The following SLIT3 variants were observed in gnomAD, a reference collection of about 807,000 sequenced individuals.
The protein encoded by SLIT3 is slit guidance ligand 3.
Under a neutral mutation model 184.0 loss-of-function variants are expected in SLIT3, and 68 were observed. That is an observed-to-expected ratio of 0.37 (90% CI 0.30 to 0.45). The LOEUF (loss-of-function observed/expected upper bound fraction) is 0.45. SLIT3 is among the 20% of genes least tolerant of loss of function. SLIT3 has a pLI of 1.00. For synonymous variants in SLIT3, 831 were observed against 828.6 expected, an observed-to-expected ratio of 1.00 and a Z score of -0.05; for missense variants, 1,707 against 2,026.0, an observed-to-expected ratio of 0.84 and a Z score of 3.02.
intron 4 of SLIT3, among the ~76,000 whole-genome samples, chr5:168,991,885 T>C (rs1755344195): frequency 6.7e-6 from 1 of 149,048 alleles, no homozygotes; most frequent in Admixed American, 6.6e-5. Flanking sequence ...CCCAGGAGCC[T>C]GGGGTGGGGA....
intron 4 of SLIT3, among the ~76,000 whole-genome samples, chr5:168,934,030 C>G (rs1394650260): frequency 6.6e-6 from 1 of 152,194 alleles, no homozygotes; most frequent in African/African-American, 2.4e-5. Context: ...TCTGCTCTAA[C>G]AGGCCGTGGT....
intron 32 of SLIT3, among the ~76,000 whole-genome samples, chr5:168,676,652 G>C (rs944760476): frequency 6.6e-6 from 1 of 152,176 alleles, no homozygotes. Flanking sequence ...AAAATATGCA[G>C]GTATATCCCA....
intron 3 of SLIT3, among the ~76,000 whole-genome samples, chr5:169,198,953 T>TACACACACACAC (rs58669966): frequency 9.2e-4 from 131 of 142,162 alleles, no homozygotes; most frequent in African/African-American, 1.5e-3. Context: ...AAACAAACTA[T>TACACACACACAC]ACACACACAC....
chr5:169,261,003 G>A (rs966765657), intron 1 of SLIT3, among the ~76,000 whole-genome samples: 1 of 152,242 alleles, frequency 6.6e-6, no homozygotes, highest in Non-Finnish European at 1.5e-5. Context: ...TGTAGTGTGA[G>A]AGTAGCCTTA....
At chr5:168,948,821 C>T (rs186008709) in intron 4 of SLIT3, among the ~76,000 whole-genome samples, 4 of 152,260 alleles carry the variant, frequency 2.6e-5, no homozygotes, top group South Asian at 2.1e-4. Flanking sequence ...CTGTGAGCAC[C>T]GCAGGGCTCT....
At chr5:169,294,902 A>G (rs1459468655) in intron 1 of SLIT3, among the ~76,000 whole-genome samples, 3 of 152,194 alleles carry the variant, frequency 2.0e-5, no homozygotes, top group African/African-American at 7.2e-5. Context: ...TTCTCAACAT[A>G]CCTATACATA....
intron 4 of SLIT3, among the ~76,000 whole-genome samples, chr5:169,077,495 C>T (rs1173253478): frequency 1.3e-5 from 2 of 152,110 alleles, no homozygotes; most frequent in Non-Finnish European, 2.9e-5. Context: ...GCCGAGATCA[C>T]ACCACTGCAC....
chr5:169,067,404 T>A (rs1042168640), intron 4 of SLIT3, among the ~76,000 whole-genome samples: 5 of 151,574 alleles, frequency 3.3e-5, no homozygotes, highest in Non-Finnish European at 7.4e-5. Flanking sequence ...AGACTCCACC[T>A]CAAAAAAAAA....
intron 12 of SLIT3, among the ~76,000 whole-genome samples, chr5:168,779,097 A>T (rs990782828): frequency 6.6e-6 from 1 of 152,270 alleles, no homozygotes; most frequent in Non-Finnish European, 1.5e-5. Flanking sequence ...TCACAAGGCC[A>T]GGTACTCCCA....
At chr5:169,276,791 G>A (rs772977589) in intron 1 of SLIT3, among the ~76,000 whole-genome samples, 22 of 152,208 alleles carry the variant, frequency 1.4e-4, no homozygotes, top group Non-Finnish European at 2.6e-4. Flanking sequence ...TGGGCTGTGC[G>A]CTACACATAA....
chr5:168,904,231 A>G (rs1332404453), intron 4 of SLIT3, among the ~76,000 whole-genome samples: 2 of 152,144 alleles, frequency 1.3e-5, no homozygotes, highest in Non-Finnish European at 2.9e-5. Flanking sequence ...CAACTTGGGG[A>G]TCACACATTC....
intron 8 of SLIT3, among the ~76,000 whole-genome samples, chr5:168,811,381 GT>G (rs1757152149): frequency 6.6e-6 from 1 of 152,148 alleles, no homozygotes; most frequent in Non-Finnish European, 1.5e-5. Context: ...TGAATAGGGG[GT>G]TAAGCAAACT....
chr5:168,978,589 C>T (rs918628479), intron 4 of SLIT3, among the ~76,000 whole-genome samples: 15 of 152,092 alleles, frequency 9.9e-5, no homozygotes, highest in Non-Finnish European at 1.6e-4. Context: ...CTTTTTCTTT[C>T]CAGAACTTCA....
chr5:169,280,693 G>A (rs992266383), intron 1 of SLIT3, among the ~76,000 whole-genome samples: 48 of 152,152 alleles, frequency 3.2e-4, no homozygotes, highest in African/African-American at 1.0e-3. Flanking sequence ...GGAGCATCTC[G>A]GAATGCAGGG....
At chr5:168,753,178 G>A in intron 17 of SLIT3, 80 bp from the exon 18 acceptor site, 1 of 1,461,314 alleles carries the variant, frequency 6.8e-7, no homozygotes. Context: ...GTGTGTGTGT[G>A]TGTATAGGTG....
At chr5:168,718,549 T>C (rs1762823612) in intron 23 of SLIT3, among the ~76,000 whole-genome samples, 1 of 152,056 alleles carries the variant, frequency 6.6e-6, no homozygotes, top group East Asian at 1.9e-4. Context: ...TCCACAAGAA[T>C]GTTCTCTTTT....
intron 4 of SLIT3, among the ~76,000 whole-genome samples, chr5:169,015,236 C>T (rs1313845429): frequency 2.6e-5 from 4 of 152,184 alleles, no homozygotes; most frequent in African/African-American, 9.7e-5. Flanking sequence ...CCCTCCCTCA[C>T]ACCCCTCCCC....
At chr5:169,129,056 G>A (rs1761189155) in intron 4 of SLIT3, among the ~76,000 whole-genome samples, 1 of 152,114 alleles carries the variant, frequency 6.6e-6, no homozygotes, top group South Asian at 2.1e-4. Flanking sequence ...AGGGGAGCGG[G>A]GGTTATAATT....
At chr5:168,755,823 G>C (rs17553357) in intron 16 of SLIT3, among the ~76,000 whole-genome samples, 1 of 152,056 alleles carries the variant, frequency 6.6e-6, no homozygotes, top group Admixed American at 6.5e-5. Context: ...CAGACCTCAA[G>C]AGAGATCAGA....
Sources: allele counts gnomAD v4.1 joint callset (sites outside exome capture counted in the v4.1 genomes callset), GRCh38; gene constraint gnomAD v4.1.1; transcripts MANE v1.5; gene names NCBI Gene and HGNC (gene_info 2026-07-23, HGNC 2026-07-21).